The following ERC2 variants were observed in gnomAD, a reference collection of about 807,000 sequenced individuals.
ERC2 encodes ELKS/RAB6-interacting/CAST family member 2.
Under a neutral mutation model 114.8 loss-of-function variants are expected in ERC2, and 42 were observed. The ratio of observed to expected loss-of-function variants is 0.37; its 90% CI spans 0.29 to 0.47. The LOEUF (loss-of-function observed/expected upper bound fraction) is 0.47, where lower values mean the gene tolerates loss of function less well. Ranked by LOEUF, ERC2 falls within the 20% of genes least tolerant of loss-of-function variation. ERC2 has a pLI of 0.99. For missense variants in ERC2, 939 were observed against 1,150.7 expected, an observed-to-expected ratio of 0.82 and a Z score of 2.66; for synonymous variants, 454 against 425.5, an observed-to-expected ratio of 1.07 and a Z score of -0.82.
intron 14 of ERC2, among the ~76,000 whole-genome samples, chr3:55,793,936 A>C (rs1434970095): frequency 6.6e-6 from 1 of 152,236 alleles, no homozygotes; most frequent in Non-Finnish European, 1.5e-5. Flanking sequence ...ATATAGAAAT[A>C]GTGCCAGATC....
intron 2 of ERC2, among the ~76,000 whole-genome samples, chr3:56,368,405 T>A (rs532397690): frequency 2.7e-4 from 41 of 152,264 alleles, no homozygotes; most frequent in African/African-American, 6.7e-4. Context: ...AGATGTTTTT[T>A]AAAATAGACT....
intron 7 of ERC2, among the ~76,000 whole-genome samples, chr3:56,042,812 C>T (rs1467826434): frequency 6.6e-6 from 1 of 152,056 alleles, no homozygotes; most frequent in Non-Finnish European, 1.5e-5. Context: ...GTGGTCGAAA[C>T]CCCTAACCAA....
At chr3:55,828,713 C>G (rs979012554) in intron 14 of ERC2, among the ~76,000 whole-genome samples, 1 of 152,000 alleles carries the variant, frequency 6.6e-6, no homozygotes, top group African/African-American at 2.4e-5. Flanking sequence ...TTAATGGACA[C>G]TGAGACAACT....
At chr3:55,891,812 T>C (rs1160217618) in intron 13 of ERC2, among the ~76,000 whole-genome samples, 1 of 152,172 alleles carries the variant, frequency 6.6e-6, no homozygotes, top group Non-Finnish European at 1.5e-5. Context: ...GGAAAGTGCT[T>C]GTTATTCTTG....
intron 17 of ERC2, among the ~76,000 whole-genome samples, chr3:55,526,611 C>T (rs2053332957): frequency 6.6e-6 from 1 of 152,190 alleles, no homozygotes; most frequent in Non-Finnish European, 1.5e-5. Context: ...ACTATGAAAG[C>T]CCCAACAGGT....
chr3:56,049,130 C>G (rs1368127674), intron 7 of ERC2, among the ~76,000 whole-genome samples: 1 of 152,156 alleles, frequency 6.6e-6, no homozygotes, highest in Non-Finnish European at 1.5e-5. Flanking sequence ...TGCTAAGGAC[C>G]TTTATTCTGA....
At chr3:55,645,264 C>T (rs937561722) in intron 17 of ERC2, among the ~76,000 whole-genome samples, 10 of 152,160 alleles carry the variant, frequency 6.6e-5, no homozygotes, top group African/African-American at 2.4e-4. Flanking sequence ...CATGTCTTCC[C>T]AATCAGGTTG....
intron 6 of ERC2, among the ~76,000 whole-genome samples, chr3:56,136,136 G>C (rs1025216602): frequency 6.6e-6 from 1 of 152,142 alleles, no homozygotes; most frequent in Non-Finnish European, 1.5e-5. Context: ...AACCGAGACA[G>C]CTTGCCTCCT....
chr3:56,048,240 T>C (rs2075578108), intron 7 of ERC2, among the ~76,000 whole-genome samples: 1 of 152,168 alleles, frequency 6.6e-6, no homozygotes, highest in South Asian at 2.1e-4. Flanking sequence ...GAAGAAGCTA[T>C]AAGCCAAGAG....
At chr3:56,316,067 G>A (rs768085276) in intron 2 of ERC2, among the ~76,000 whole-genome samples, 5 of 151,728 alleles carry the variant, frequency 3.3e-5, no homozygotes, top group Non-Finnish European at 5.9e-5. Context: ...TCAGAGGGAG[G>A]CCACAGGCCT....
intron 7 of ERC2, among the ~76,000 whole-genome samples, chr3:56,019,882 G>T (rs1576586661): frequency 6.6e-6 from 1 of 152,058 alleles, no homozygotes; most frequent in Non-Finnish European, 1.5e-5. Flanking sequence ...CGTATTAAGG[G>T]TTTTAAAATG....
At chr3:55,920,446 A>ACACACACCCCCC (rs57638674) in intron 13 of ERC2, among the ~76,000 whole-genome samples, 16 of 145,438 alleles carry the variant, frequency 1.1e-4, no homozygotes, top group African/African-American at 4.2e-4. Context: ...ACACACACAC[A>ACACACACCCCCC]CCCCAAGTGA....
At chr3:56,057,520 A>C (rs2076066704) in intron 7 of ERC2, among the ~76,000 whole-genome samples, 1 of 152,208 alleles carries the variant, frequency 6.6e-6, no homozygotes, top group South Asian at 2.1e-4. Context: ...GTTCTGGCAT[A>C]GCTGCATGGT....
intron 17 of ERC2, among the ~76,000 whole-genome samples, chr3:55,591,623 A>G (rs564780956): frequency 1.3e-5 from 2 of 151,896 alleles, no homozygotes; most frequent in African/African-American, 4.8e-5. Flanking sequence ...GGTTTTGACC[A>G]AAGCAGCAGC....
chr3:55,881,252 C>T (rs779700944), intron 14 of ERC2, among the ~76,000 whole-genome samples: 2 of 152,124 alleles, frequency 1.3e-5, no homozygotes, highest in Non-Finnish European at 2.9e-5. Flanking sequence ...CAGGATAATG[C>T]CCTCGAATAA....
At chr3:55,984,840 A>G (rs2149512021) in intron 12 of ERC2, among the ~76,000 whole-genome samples, 1 of 152,250 alleles carries the variant, frequency 6.6e-6, no homozygotes, top group Middle Eastern at 3.4e-3. Flanking sequence ...TTCAAGGACT[A>G]TGAGCCACCA....
At chr3:56,208,779 C>T (rs1462401359) in intron 3 of ERC2, among the ~76,000 whole-genome samples, 2 of 152,134 alleles carry the variant, frequency 1.3e-5, no homozygotes, top group Non-Finnish European at 2.9e-5. Context: ...GCCTAGCTAG[C>T]GGTACTGGGG....
intron 4 of ERC2, among the ~76,000 whole-genome samples, chr3:56,158,550 C>T (rs1212155139): frequency 6.6e-6 from 1 of 152,024 alleles, no homozygotes; most frequent in Non-Finnish European, 1.5e-5. Context: ...TATTATGTGC[C>T]AGGATTTTCC....
At chr3:55,614,211 G>C (rs78457362) in intron 17 of ERC2, among the ~76,000 whole-genome samples, 5,205 of 152,134 alleles carry the variant, frequency 0.034, 280 homozygotes, top group African/African-American at 0.12. Context: ...ACAAGATTTT[G>C]TAGGAAAAAC....
Sources: allele counts gnomAD v4.1 joint callset (sites outside exome capture counted in the v4.1 genomes callset), GRCh38; gene constraint gnomAD v4.1.1; transcripts MANE v1.5; gene names NCBI Gene and HGNC (gene_info 2026-07-23, HGNC 2026-07-21).